The following RUBCNL variants were observed in gnomAD, a reference collection of about 807,000 sequenced individuals.
RUBCNL encodes rubicon like autophagy enhancer.
Under a neutral mutation model 69.5 loss-of-function variants are expected in RUBCNL, and 62 were observed. The observed-to-expected ratio is 0.89, with a 90% CI of 0.73 to 1.10. The LOEUF (loss-of-function observed/expected upper bound fraction) is 1.10, where lower values mean the gene tolerates loss of function less well. Among genes scored for constraint, RUBCNL ranks in the 50% least tolerant of loss-of-function variants. RUBCNL has a pLI of 0.00. For synonymous variants in RUBCNL, 291 were observed against 303.6 expected (o/e 0.96, Z 0.43); for missense variants, 768 against 798.1 (o/e 0.96, Z 0.45).
chr13:46,388,310 GAAGGAAGGAAGGAAGGAACCTAAGCC>G (rs1295005759), upstream of RUBCNL, among the ~76,000 whole-genome samples: 4 of 148,610 alleles, frequency 2.7e-5, no homozygotes, highest in African/African-American at 1.0e-4. Context: ...AGGGAAGAAG[GAAGGAAGGAAGGAAGGAACCTAAGCC>G]AAGGAAGGAA....
chr13:46,387,307 C>T, upstream of RUBCNL: 1 of 985,544 alleles, frequency 1.0e-6, no homozygotes. Context: ...GCCACGCCCC[C>T]CGCCTCCCAC....
rs1295232604 is a variant in RUBCNL at position 46,377,896 on chromosome 13, T to C, written c.-129A>G. On this transcript the variant is annotated 5_prime_UTR_variant, in exon 2 of 15. It adds an upstream start codon to the 5' untranslated region. Coordinates refer to ENST00000429979, the MANE Select transcript of RUBCNL (RefSeq NM_025113.5). ...GGCCAGGTCGGACACTCACCAGGAGTATGAATTTCTCGAAGAGGCAGATTG... is the reference window on the plus strand; with the variant it reads ...GGCCAGGTCGGACACTCACCAGGAGCATGAATTTCTCGAAGAGGCAGATTG... 1.3e-6 allele frequency: 2 copies of C among 1,598,058 alleles called. No individual in the cohort carries two copies. The highest frequency in any genetic ancestry group is 1.3e-5 in the African/African-American group (1 of 74,620).
At chr13:46,345,073 T>C (rs1220019609) in intron 13 of RUBCNL, among the ~76,000 whole-genome samples, 2 of 152,210 alleles carry the variant, frequency 1.3e-5, no homozygotes, top group Non-Finnish European at 2.9e-5. Flanking sequence ...ATTGTAAACA[T>C]GCACTCTGAA....
chr13:46,350,533 T>A, intron 10 of RUBCNL, 182 bp from the exon 11 acceptor site: 1 of 551,906 alleles, frequency 1.8e-6, no homozygotes, highest in Non-Finnish European at 3.2e-6. Flanking sequence ...AATTAAATCA[T>A]GGCCATTCAT....
intron 1 of RUBCNL, among the ~76,000 whole-genome samples, 169 bp downstream of exon 1, chr13:46,386,965 C>T (rs1197318077): frequency 1.3e-5 from 2 of 152,090 alleles, no homozygotes; most frequent in African/African-American, 4.8e-5. Flanking sequence ...AAGGGGTCCC[C>T]GACACTGCTC....
At chr13:46,351,902 CA>C (rs1305177575) in intron 10 of RUBCNL, among the ~76,000 whole-genome samples, 1 of 144,876 alleles carries the variant, frequency 6.9e-6, no homozygotes, top group African/African-American at 2.6e-5. Flanking sequence ...GATCTCAGTT[CA>C]GTGCAACCTC....
At chr13:46,344,640 T>G in intron 14 of RUBCNL, 101 bp downstream of exon 14, 1 of 750,862 alleles carries the variant, frequency 1.3e-6, no homozygotes, top group Non-Finnish European at 2.2e-6. Flanking sequence ...CTTAAATTAT[T>G]AAGCTATTAT....
chr13:46,370,917 GAA>G (rs34771125), intron 3 of RUBCNL, among the ~76,000 whole-genome samples: 4 of 116,062 alleles, frequency 3.4e-5, no homozygotes, highest in South Asian at 2.7e-4. Flanking sequence ...AAAAAAATAG[GAA>G]AAAAAAAAAA....
chr13:46,362,686 C>T, intron 6 of RUBCNL, 88 bp from the exon 7 acceptor site: 1 of 875,256 alleles, frequency 1.1e-6, no homozygotes, highest in African/African-American at 1.7e-5. Context: ...TAAAATCACT[C>T]CCTGCATCTC....
chr13:46,349,198 G>C, intron 12 of RUBCNL, 88 bp downstream of exon 12: 4 of 1,137,594 alleles, frequency 3.5e-6, no homozygotes, highest in Non-Finnish European at 5.3e-6. Flanking sequence ...AAGAAGCCCT[G>C]TGTAATGGGG....
At chr13:46,356,959 C>T (rs2048500338) in intron 9 of RUBCNL, among the ~76,000 whole-genome samples, 1 of 150,338 alleles carries the variant, frequency 6.7e-6, no homozygotes, top group Non-Finnish European at 1.5e-5. Flanking sequence ...GAACTCCTGG[C>T]CTCAAGTCAT....
At chr13:46,364,101 T>C (rs1249805599) in intron 5 of RUBCNL, among the ~76,000 whole-genome samples, 9 of 151,968 alleles carry the variant, frequency 5.9e-5, no homozygotes, top group African/African-American at 1.2e-4. Context: ...ATAGTTTACA[T>C]AGAAGTTATG....
chr13:46,368,708 TA>T, intron 4 of RUBCNL, 24 bp downstream of exon 4: 2 of 1,588,350 alleles, frequency 1.3e-6, no homozygotes, highest in Admixed American at 1.7e-5. Flanking sequence ...ACTCTATGGT[TA>T]AAAAGAAAGA....
At chr13:46,377,688 A>G (rs770566397) in intron 2 of RUBCNL, among the ~76,000 whole-genome samples, 102 of 152,390 alleles carry the variant, frequency 6.7e-4, no homozygotes, top group Non-Finnish European at 1.2e-3. Context: ...ATAAAAAACA[A>G]CCGTCAAAAG....
rs2048119013 is a variant in RUBCNL at position 46,338,543 on chromosome 13, G to A, written c.*4842C>T. ...ATTTGATCTAACAGGAGGGGTGGGG[G>A]CTTTGGGTGCGCTTGCCCTTTGTCT... On this transcript the variant is annotated 3_prime_UTR_variant, in exon 15 of 15. Transcript: ENST00000429979. 6.6e-6 allele frequency among the ~76,000 whole-genome samples: 1 copy of A among 152,138 alleles called. No individual in the cohort carries two copies. Among genetic ancestry groups the A allele is most frequent in the African/African-American group, 2.4e-5 (1 of 41,438 alleles).
chr13:46,379,635 G>C (rs889633295), intron 1 of RUBCNL, among the ~76,000 whole-genome samples: 4 of 152,170 alleles, frequency 2.6e-5, no homozygotes, highest in African/African-American at 9.7e-5. Flanking sequence ...TTAGAATAAA[G>C]GATACTAGAG....
At chr13:46,368,569 G>T (rs1481893848) in intron 4 of RUBCNL, 164 bp downstream of exon 4, 1 of 901,284 alleles carries the variant, frequency 1.1e-6, no homozygotes, top group East Asian at 1.2e-4. Flanking sequence ...CACGGCCTCG[G>T]AACCCTTCTT....
intron 10 of RUBCNL, among the ~76,000 whole-genome samples, chr13:46,355,972 G>A (rs953843012): frequency 1.4e-4 from 21 of 152,252 alleles, no homozygotes; most frequent in African/African-American, 4.3e-4. Flanking sequence ...AATATAAAGC[G>A]TTCATGGGAT....
intron 3 of RUBCNL, among the ~76,000 whole-genome samples, chr13:46,370,106 G>C (rs1474664049): frequency 6.6e-6 from 1 of 152,226 alleles, no homozygotes; most frequent in African/African-American, 2.4e-5. Context: ...TGCAGACTCT[G>C]AGTATAGAGG....
Sources: allele counts gnomAD v4.1 joint callset (sites outside exome capture counted in the v4.1 genomes callset), GRCh38; gene constraint gnomAD v4.1.1; transcripts MANE v1.5; gene names NCBI Gene and HGNC (gene_info 2026-07-23, HGNC 2026-07-21).